Variants in CCSER1 observed in about 807,000 individuals in gnomAD.
CCSER1 encodes serine-rich coiled-coil domain-containing protein 1.
In CCSER1, 41 loss-of-function variants were observed where a neutral mutation model predicts 82.0. The ratio of observed to expected loss-of-function variants is 0.50; its 90% CI spans 0.39 to 0.65. The LOEUF (loss-of-function observed/expected upper bound fraction) is 0.65. Among genes scored for constraint, CCSER1 ranks in the 30% least tolerant of loss-of-function variants. CCSER1 has a pLI of 0.00. For synonymous variants in CCSER1, 414 were observed against 383.9 expected (o/e 1.08, Z -0.92); for missense variants, 1,119 against 1,064.2 (o/e 1.05, Z -0.72).
At chr4:91,587,216 C>T (rs1016553451) in intron 10 of CCSER1, among the ~76,000 whole-genome samples, 3 of 151,678 alleles carry the variant, frequency 2.0e-5, no homozygotes, top group Non-Finnish European at 4.4e-5. Context: ...AGAGAGATAA[C>T]TACCACCTCT....
intron 1 of CCSER1, among the ~76,000 whole-genome samples, chr4:90,294,307 T>A (rs936543711): frequency 4.6e-5 from 7 of 152,028 alleles, no homozygotes; most frequent in Non-Finnish European, 8.8e-5. Flanking sequence ...AGCCTAGGAT[T>A]TGAGACCTGC....
intron 10 of CCSER1, among the ~76,000 whole-genome samples, chr4:91,353,160 T>C (rs1446626964): frequency 1.3e-5 from 2 of 152,084 alleles, no homozygotes; most frequent in East Asian, 1.9e-4. Flanking sequence ...AGACACTGAG[T>C]TGTAGAAGGA....
chr4:91,017,269 T>C (rs1013061975), intron 9 of CCSER1: 3 of 152,196 alleles, frequency 2.0e-5, no homozygotes, highest in African/African-American at 7.2e-5. Flanking sequence ...ACAACACGAA[T>C]GGGGAAGGAT....
intron 7 of CCSER1, among the ~76,000 whole-genome samples, chr4:90,805,703 T>C (rs6841940): frequency 0.34 from 51,719 of 151,982 alleles, 9,008 homozygotes; most frequent in East Asian, 0.42. Context: ...GAATTTTAGT[T>C]CAAAAATTAA....
chr4:91,157,479 G>A (rs565460160), intron 10 of CCSER1, among the ~76,000 whole-genome samples: 3 of 151,802 alleles, frequency 2.0e-5, no homozygotes, highest in Admixed American at 2.0e-4. Flanking sequence ...TTTTCTCTTA[G>A]GATTTAAATG....
At chr4:91,164,132 C>G (rs1284134383) in intron 10 of CCSER1, among the ~76,000 whole-genome samples, 1 of 152,142 alleles carries the variant, frequency 6.6e-6, no homozygotes, top group East Asian at 1.9e-4. Flanking sequence ...CTGGTGGTGA[C>G]AAAATCTCTC....
chr4:90,999,407 T>C (rs1182962263), intron 9 of CCSER1, among the ~76,000 whole-genome samples: 1 of 152,190 alleles, frequency 6.6e-6, no homozygotes, highest in Non-Finnish European at 1.5e-5. Flanking sequence ...TTTTTTAGCT[T>C]TTTAATAATA....
rs1309177919 is a variant in CCSER1 at position 91,487,138 on chromosome 4, C to T, written c.2218-111434C>T. ...AATAAATACAGGATATATTTTTTGC[C>T]TTGGAATAGTCATAGAAAAAGTAGG... is the stretch of plus-strand genomic sequence containing the variant. On this transcript the variant is annotated intron_variant, in intron 10 of 10. Coordinates refer to ENST00000509176, the MANE Select transcript of CCSER1 (RefSeq NM_001145065.2). 2.0e-5 allele frequency among the ~76,000 whole-genome samples: 3 copies of T among 151,978 alleles called. No individual in the cohort carries two copies. In the East Asian group the frequency reaches 5.8e-4, roughly 29 times the overall value.
chr4:91,403,504 C>T (rs1036385020), intron 10 of CCSER1, among the ~76,000 whole-genome samples: 13 of 152,086 alleles, frequency 8.5e-5, no homozygotes, highest in African/African-American at 3.1e-4. Context: ...CAGCTTTTGC[C>T]CACTCAGTAT....
Position 91,150,900 on chromosome 4 carries a change from A to C in CCSER1, c.2217+64906A>C, listed in dbSNP as rs112596732. Among the ~76,000 whole-genome samples the C allele has an allele frequency of 4.4e-3, 675 of 152,210 alleles. 6 individuals are homozygous for C. Among genetic ancestry groups the C allele is most frequent in the African/African-American group, 0.015 (643 of 41,542 alleles). ...TATTTTATTGAGGAATTTTGCATTG[A>C]TGTTCATCAGGGATATTGGTCTAAA... On this transcript the variant is annotated intron_variant, in intron 10 of 10. Transcript: ENST00000509176.
At chr4:90,946,569 T>A (rs1261657210) in intron 9 of CCSER1, among the ~76,000 whole-genome samples, 1 of 150,610 alleles carries the variant, frequency 6.6e-6, no homozygotes, top group Non-Finnish European at 1.5e-5. Context: ...AGACTGAGGT[T>A]ACAGTGAGCC....
chr4:90,752,172 C>A (rs1654138236), intron 7 of CCSER1, among the ~76,000 whole-genome samples: 1 of 152,116 alleles, frequency 6.6e-6, no homozygotes, highest in South Asian at 2.1e-4. Flanking sequence ...TAGGCATTTT[C>A]AACCTCATTT....
At chr4:90,173,456 T>C (rs1732108970) in intron 1 of CCSER1, among the ~76,000 whole-genome samples, 1 of 151,862 alleles carries the variant, frequency 6.6e-6, no homozygotes, top group African/African-American at 2.4e-5. Context: ...TGAGGCATTT[T>C]CCAGCATTTC....
intron 5 of CCSER1, among the ~76,000 whole-genome samples, chr4:90,603,917 G>C (rs1402697258): frequency 6.6e-6 from 1 of 152,032 alleles, no homozygotes; most frequent in Non-Finnish European, 1.5e-5. Context: ...CAATGGGAGG[G>C]AAGAAGAAAG....
chr4:91,499,720 A>T (rs1759106003), intron 10 of CCSER1, among the ~76,000 whole-genome samples: 1 of 151,974 alleles, frequency 6.6e-6, no homozygotes, highest in African/African-American at 2.4e-5. Context: ...TAATTGAAAT[A>T]ATATACTATG....
At chr4:91,229,548 C>T (rs767166147) in intron 10 of CCSER1, among the ~76,000 whole-genome samples, 18 of 151,932 alleles carry the variant, frequency 1.2e-4, no homozygotes, top group Non-Finnish European at 2.6e-4. Context: ...ATGTTTATTG[C>T]GGCACTATTC....
intron 5 of CCSER1, among the ~76,000 whole-genome samples, chr4:90,474,861 A>G (rs376805361): frequency 2.3e-4 from 35 of 152,306 alleles, no homozygotes; most frequent in East Asian, 1.5e-3. Flanking sequence ...ATAATACATT[A>G]CTAAGTATTT....
chr4:90,402,410 T>C (rs950223479), intron 4 of CCSER1, among the ~76,000 whole-genome samples: 6 of 152,230 alleles, frequency 3.9e-5, no homozygotes, highest in African/African-American at 1.2e-4. Context: ...TTTAGTTTTT[T>C]TCAGGAAAAC....
chr4:91,411,527 A>AT (rs1560650607), intron 10 of CCSER1, among the ~76,000 whole-genome samples: 4 of 46,038 alleles, frequency 8.7e-5, no homozygotes, highest in African/African-American at 3.0e-4. Context: ...TATATATATA[A>AT]AATCTTGACT....
Sources: gnomAD v4.1 joint callset for allele counts (sites outside exome capture counted in the v4.1 genomes callset) on GRCh38, gnomAD v4.1.1 for gene constraint, MANE v1.5 for transcripts, NCBI Gene and HGNC (gene_info 2026-07-23, HGNC 2026-07-21) for gene names.